Variants in RAD51B observed in about 807,000 individuals in gnomAD.
The protein encoded by RAD51B is RAD51 paralog B, also known as DNA repair protein RAD51 homolog 2.
A neutral mutation model predicts 42.2 loss-of-function variants in RAD51B; 38 were observed. The observed-to-expected ratio is 0.90, with a 90% confidence interval of 0.70 to 1.18. The LOEUF (loss-of-function observed/expected upper bound fraction) is 1.18, where lower values mean the gene tolerates loss of function less well. Ranked by LOEUF, RAD51B falls within the 50% of genes most tolerant of loss-of-function variation. The pLI is 0.00. For synonymous variants in RAD51B, 154 were observed against 145.2 expected (o/e 1.06, Z -0.43); for missense variants, 373 against 400.7 (o/e 0.93, Z 0.59).
In RAD51B at chr14:68,291,911, C is replaced by G. The variant is rs376183330; in HGVS notation, c.784C>G (p.His262Asp). ...TATCTTGACGAATCAGATTACAACC[C>G]ATCTGAGTGGAGCCCTGGCTTCTCA... is the stretch of plus-strand genomic sequence containing the variant. ...PVILTNQITT[H>D]LSGALASQAD... The change falls in exon 8 of 11, where the codon CAT (histidine) becomes GAT (aspartate). Residue 262 changes from histidine (H) to aspartate (D), a missense_variant. His to Asp is a moderately conservative substitution (Grantham distance 81, BLOSUM62 -1). Coordinates refer to ENST00000471583, the MANE Select transcript of RAD51B (RefSeq NM_133510.4). 9.3e-6 allele frequency: 15 copies of G among 1,613,654 alleles called. No homozygotes were observed. The highest frequency in any genetic ancestry group is 1.3e-5 in the Non-Finnish European group (15 of 1,179,684).
At chr14:68,152,491 T>A (rs1595477224) in intron 7 of RAD51B, among the ~76,000 whole-genome samples, 2 of 152,318 alleles carry the variant, frequency 1.3e-5, no homozygotes, top group Admixed American at 1.3e-4. Context: ...TTGTTGTGGA[T>A]CCCCATTGTG....
intron 4 of RAD51B, among the ~76,000 whole-genome samples, chr14:67,842,858 C>T (rs1228145639): frequency 5.3e-5 from 8 of 152,098 alleles, no homozygotes; most frequent in Non-Finnish European, 7.4e-5. Flanking sequence ...GATGCCTAGT[C>T]TGTTGAGGGT....
intron 7 of RAD51B, among the ~76,000 whole-genome samples, chr14:68,074,340 T>C (rs891465712): frequency 6.6e-6 from 1 of 152,134 alleles, no homozygotes; most frequent in Admixed American, 6.5e-5. Flanking sequence ...CTTTGTGTTA[T>C]GAAAATCTTG....
chr14:68,312,991 T>C (rs2139733812), intron 8 of RAD51B, among the ~76,000 whole-genome samples: 1 of 152,336 alleles, frequency 6.6e-6, no homozygotes, highest in East Asian at 1.9e-4. Context: ...GTGGCCAAGA[T>C]GACTGGTTGC....
intron 9 of RAD51B, among the ~76,000 whole-genome samples, chr14:68,419,835 G>T (rs1320813538): frequency 1.3e-5 from 2 of 152,158 alleles, no homozygotes; most frequent in African/African-American, 4.8e-5. Flanking sequence ...GAGGCTGAGG[G>T]CAGGCAGCAG....
chr14:68,208,747 A>G (rs1264961109), intron 7 of RAD51B, among the ~76,000 whole-genome samples: 2 of 152,180 alleles, frequency 1.3e-5, no homozygotes, highest in African/African-American at 2.4e-5. Flanking sequence ...CTGACCCTCC[A>G]TGCAGGTCTG....
intron 7 of RAD51B, among the ~76,000 whole-genome samples, chr14:67,931,475 A>T: frequency 6.9e-6 from 1 of 145,876 alleles, no homozygotes; most frequent in African/African-American, 2.5e-5. Flanking sequence ...TAGTATCATA[A>T]TTTTGAATTC....
In RAD51B at chr14:68,334,957, T is replaced by A. The variant is rs956033068; in HGVS notation, c.853+42977T>A. On this transcript the variant is annotated intron_variant, in intron 8 of 10. Transcript: ENST00000471583. ...CACATATATAAGTATTATATATGTT[T>A]TATATATATATATATAAAAAAACAA... Among the ~76,000 whole-genome samples the A allele has an allele frequency of 2.0e-4, 16 of 78,606 alleles. No homozygotes were observed. In the South Asian group the frequency reaches 3.1e-3, roughly 15 times the overall value. The allele number at this position is 78,606 out of a possible 152,430, so 51.6% of individuals were successfully genotyped here.
chr14:68,133,474 AT>A (rs1037317776), intron 7 of RAD51B, among the ~76,000 whole-genome samples: 1 of 151,562 alleles, frequency 6.6e-6, no homozygotes, highest in African/African-American at 2.4e-5. Context: ...AATCTGAATG[AT>A]TTTTTTTTCT....
At chr14:68,200,083 C>T (rs908909386) in intron 7 of RAD51B, among the ~76,000 whole-genome samples, 12 of 152,038 alleles carry the variant, frequency 7.9e-5, no homozygotes, top group African/African-American at 9.7e-5. Flanking sequence ...GAGAATTAAC[C>T]GCATGACAGC....
intron 7 of RAD51B, among the ~76,000 whole-genome samples, chr14:68,203,660 C>T (rs933564653): frequency 1.3e-5 from 2 of 152,126 alleles, no homozygotes; most frequent in Non-Finnish European, 1.5e-5. Flanking sequence ...GAGATGGCAC[C>T]TTCTTCCAAT....
At chr14:68,657,864 G>C (rs1892849696) in intron 11 of RAD51B, among the ~76,000 whole-genome samples, 3 of 152,232 alleles carry the variant, frequency 2.0e-5, no homozygotes, top group African/African-American at 7.2e-5. Flanking sequence ...ACCCAGGCTG[G>C]ACAAAGATGG....
intron 7 of RAD51B, among the ~76,000 whole-genome samples, chr14:68,003,780 G>T (rs2075529148): frequency 6.6e-6 from 1 of 152,130 alleles, no homozygotes; most frequent in East Asian, 1.9e-4. Flanking sequence ...GATAATCGTG[G>T]TTTTTTTCTA....
intron 4 of RAD51B, among the ~76,000 whole-genome samples, chr14:67,847,509 T>C (rs913871247): frequency 1.8e-4 from 27 of 152,148 alleles, no homozygotes; most frequent in Non-Finnish European, 2.9e-5. Flanking sequence ...CAAATAATTT[T>C]TTGACTTCCG....
chr14:68,038,553 A>G (rs2140389401), intron 7 of RAD51B, among the ~76,000 whole-genome samples: 1 of 152,370 alleles, frequency 6.6e-6, no homozygotes, highest in Non-Finnish European at 1.5e-5. Flanking sequence ...TATATAAAAT[A>G]TACAAATCAT....
At chr14:68,598,331 G>A (rs547738074), downstream of RAD51B, among the ~76,000 whole-genome samples, 1 of 152,226 alleles carries the variant, frequency 6.6e-6, no homozygotes, top group South Asian at 2.1e-4. Flanking sequence ...TTAAGACCAA[G>A]GATTCAGAAA....
chr14:68,308,210 A>C (rs756232938), intron 8 of RAD51B, among the ~76,000 whole-genome samples: 31 of 152,206 alleles, frequency 2.0e-4, no homozygotes, highest in African/African-American at 6.8e-4. Flanking sequence ...GACATTTTGC[A>C]CATCAGAATT....
intron 10 of RAD51B, among the ~76,000 whole-genome samples, chr14:68,503,522 C>T (rs1371890712): frequency 6.6e-6 from 1 of 152,108 alleles, no homozygotes; most frequent in African/African-American, 2.4e-5. Context: ...ATTACCTTAC[C>T]CTGGGAGATG....
intron 7 of RAD51B, among the ~76,000 whole-genome samples, chr14:68,245,087 A>G (rs1303913286): frequency 6.6e-6 from 1 of 152,100 alleles, no homozygotes; most frequent in Non-Finnish European, 1.5e-5. Flanking sequence ...CTATGTCCTC[A>G]TTGTCTCCTC....
Sources: gnomAD v4.1 joint callset for allele counts (sites outside exome capture counted in the v4.1 genomes callset) on GRCh38, gnomAD v4.1.1 for gene constraint, MANE v1.5 for transcripts, NCBI Gene and HGNC (gene_info 2026-07-23, HGNC 2026-07-21) for gene names.